BDP1: variants seen among roughly 807,000 people sequenced by gnomAD.
BDP1 encodes the protein transcription factor TFIIIB component B'' homolog.
A neutral mutation model predicts 266.6 loss-of-function variants in BDP1; 169 were observed. The ratio of observed to expected loss-of-function variants is 0.63; its 90% CI spans 0.56 to 0.72. BDP1 has a LOEUF of 0.72. Among genes scored for constraint, BDP1 ranks in the 30% least tolerant of loss-of-function variants. The pLI, the probability that BDP1 is intolerant of heterozygous loss-of-function variation, is 0.00. For synonymous variants in BDP1, 1,090 were observed against 1,022.4 expected (o/e 1.07, Z -1.26); for missense variants, 3,015 against 3,053.8 (o/e 0.99, Z 0.30).
chr5:71,541,767 G>A (rs1766983899), intron 29 of BDP1, 85 bp downstream of exon 29: 2 of 842,734 alleles, frequency 2.4e-6, no homozygotes, highest in Non-Finnish European at 3.6e-6. Context: ...TAAATGTAAA[G>A]TAGGCAATGC....
chr5:71,469,234 G>A lies in BDP1; in HGVS notation c.920-1161G>A, dbSNP rs1477380552. 2.0e-5 allele frequency among the ~76,000 whole-genome samples: 3 copies of A among 151,856 alleles called. No homozygotes were observed. The East Asian group carries it at 5.8e-4, about 30-fold the overall frequency. The stretch of plus-strand genomic sequence containing the variant: ...GCTCACTGCAGCCGCCACCTCCTAG[G>A]TTCAGGTGATTCTCCTTCCTCAGTC... On this transcript the variant is annotated intron_variant, in intron 6 of 38. Transcript: ENST00000358731.
chr5:71,502,755 A>G lies in BDP1; in HGVS notation c.2205A>G (p.Val735=), dbSNP rs200344387. 10 of 1,613,664 alleles carry G rather than the reference A, an allele frequency of 6.2e-6. No homozygotes were observed. The highest frequency in any genetic ancestry group is 8.5e-6 in the Non-Finnish European group (10 of 1,179,930). The part of the protein sequence containing the change: ...LISQEEIGAN[V]EKNENESCAD... ...CACAGGAAGAAATTGGGGCCAATGT[A>G]GAGAAGAATGAAAATGAATCCTGTG... Residue 735 remains valine, a synonymous_variant, in exon 15 of 39, where the codon GTA becomes GTG. Coordinates refer to ENST00000358731, the MANE Select transcript of BDP1 (RefSeq NM_018429.3).
intron 28 of BDP1, among the ~76,000 whole-genome samples, chr5:71,540,724 T>C (rs548913318): frequency 1.3e-5 from 2 of 152,210 alleles, no homozygotes; most frequent in South Asian, 4.1e-4. Context: ...AATGCTTGAC[T>C]TCAGGAGTTC....
intron 2 of BDP1, 99 bp from the exon 3 acceptor site, chr5:71,461,718 C>T: frequency 1.6e-6 from 1 of 640,304 alleles, no homozygotes; most frequent in Non-Finnish European, 2.7e-6. Flanking sequence ...AATATTAAAG[C>T]ACTTACAGTG....
At chr5:71,571,267 C>T (rs535530203), downstream of BDP1, among the ~76,000 whole-genome samples, 37 of 152,300 alleles carry the variant, frequency 2.4e-4, no homozygotes, top group Non-Finnish European at 3.7e-4. Context: ...GCCTTTGCCT[C>T]CCAAGTAGCT....
rs770074433 is a variant in BDP1, at chr5:71,509,513, A to G, written c.2421A>G (p.Leu807=). 3 of 1,603,768 alleles carry G rather than the reference A, an allele frequency of 1.9e-6. No homozygotes were observed. The highest frequency in any genetic ancestry group is 1.8e-5 in the Admixed American group (1 of 56,776). The part of the protein sequence containing the change: ...KANKLNQVPI[L]RTRFQKPKPN... Reference sequence around the variant, plus strand: ...ATAAACTTAACCAAGTCCCAATTCTAAGGACTCGATTTCAGAAACCAAAGC... The same window carrying G: ...ATAAACTTAACCAAGTCCCAATTCTGAGGACTCGATTTCAGAAACCAAAGC... Residue 807 remains leucine (L), a synonymous_variant, in exon 17 of 39, where the codon CTA becomes CTG. Transcript: ENST00000358731.
chr5:71,553,333 T>A lies in BDP1; in HGVS notation c.7200+13T>A. On this transcript the variant is annotated intron_variant, in intron 35 of 38. Coordinates refer to ENST00000358731, the MANE Select transcript of BDP1 (RefSeq NM_018429.3). ...ATATACCACTGAGGTAAGTGGTATA[T>A]TAAGTACCACTCAATATGGCCATTA... 1 of 1,593,446 alleles carries A rather than the reference T, an allele frequency of 6.3e-7. No individual in the cohort carries two copies. Among genetic ancestry groups the A allele is most frequent in the East Asian group, 2.2e-5 (1 of 44,714 alleles).
intron 7 of BDP1, among the ~76,000 whole-genome samples, 194 bp downstream of exon 7, chr5:71,470,683 G>A (rs530247296): frequency 1.3e-5 from 2 of 151,444 alleles, no homozygotes; most frequent in South Asian, 4.2e-4. Flanking sequence ...CTGCCTCCGG[G>A]TTCAAGCAAT....
At chr5:71,490,571 C>A (rs1304664231) in intron 10 of BDP1, among the ~76,000 whole-genome samples, 1 of 152,092 alleles carries the variant, frequency 6.6e-6, no homozygotes, top group South Asian at 2.1e-4. Flanking sequence ...AGGATTGTTT[C>A]AAGTATTAAA....
At chr5:71,515,944 T>C (rs912876297) in intron 20 of BDP1, 117 bp from the exon 21 acceptor site, 6 of 647,384 alleles carry the variant, frequency 9.3e-6, no homozygotes, top group African/African-American at 5.5e-5. Flanking sequence ...TTCCCTTTAA[T>C]GGTACAAAGT....
Position 71,510,812 on chromosome 5 carries a change from G to A in BDP1, c.3720G>A (p.Val1240=). The change falls in exon 17 of 39, where the codon GTG becomes GTA. Residue 1240 remains valine (V), a synonymous_variant. Coordinates refer to ENST00000358731, the MANE Select transcript of BDP1 (RefSeq NM_018429.3). ...AAGAAATTTCCCAAAGGGAAAAGGTGCTAGCAGAGTTCAGTGCTATAAGGG... is the reference window on the plus strand; with the variant it reads ...AAGAAATTTCCCAAAGGGAAAAGGTACTAGCAGAGTTCAGTGCTATAAGGG... ...IREEISQREK[V]LAEFSAIREK... The A allele has an allele frequency of 6.2e-7, 1 of 1,613,646 alleles. No homozygotes were observed. Among genetic ancestry groups the A allele is most frequent in the Non-Finnish European group, 8.5e-7 (1 of 1,179,852 alleles).
chr5:71,467,251 T>G, intron 5 of BDP1, 103 bp from the exon 6 acceptor site: 1 of 927,318 alleles, frequency 1.1e-6, no homozygotes, highest in Non-Finnish European at 1.6e-6. Flanking sequence ...ATGCCTTTGA[T>G]ATGATTGCCA....
chr5:71,511,781 T>C (rs977913437), intron 17 of BDP1, among the ~76,000 whole-genome samples: 1 of 152,228 alleles, frequency 6.6e-6, no homozygotes, highest in Admixed American at 6.5e-5. Context: ...GTCACTGTTC[T>C]TAATATCATT....
chr5:71,541,436 T>G lies in BDP1; in HGVS notation c.6023-18T>G. Reference sequence around the variant, plus strand: ...TAATTTGGTCCATTTTAATTTTGTTTTTTTTTTTTTTCTTCAGTAGGAGTA... The same window carrying G: ...TAATTTGGTCCATTTTAATTTTGTTGTTTTTTTTTTTCTTCAGTAGGAGTA... On this transcript the variant is annotated intron_variant, in intron 28 of 38. Coordinates refer to ENST00000358731, the MANE Select transcript of BDP1 (RefSeq NM_018429.3). The G allele has an allele frequency of 9.7e-7, 1 of 1,032,766 alleles. No individual in the cohort carries two copies. The highest frequency in any genetic ancestry group is 1.3e-6 in the Non-Finnish European group (1 of 745,214). The allele number at this position is 1,032,766 out of a possible 1,614,324, so 64.0% of individuals were successfully genotyped here.
Position 71,545,095 on chromosome 5 carries a change from T to C in BDP1, c.6620T>C (p.Val2207Ala), listed in dbSNP as rs1424432734. 6.2e-7 allele frequency: 1 copy of C among 1,613,682 alleles called. No homozygotes were observed. The highest frequency in any genetic ancestry group is 1.7e-5 in the Admixed American group (1 of 59,962). Residue 2207 changes from valine to alanine, a missense_variant, in exon 32 of 39, where the codon GTT becomes GCT. Transcript: ENST00000358731. ...GTTCACATGTTGTCAGTTGCTCCAG[T>C]TGCTTCCTCTGAGACAGGGCCCTGC... is the stretch of plus-strand genomic sequence containing the variant. Reference protein sequence around the residue: ...QEVHMLSVAPVASSETGPCTL... With the variant: ...QEVHMLSVAPAASSETGPCTL...
chr5:71,478,218 T>A (rs1762715351), intron 7 of BDP1, among the ~76,000 whole-genome samples: 1 of 152,084 alleles, frequency 6.6e-6, no homozygotes, highest in East Asian at 1.9e-4. Context: ...CATTGGACTC[T>A]AGCCTGGGTA....
chr5:71,530,765 T>G (rs1766196280), intron 25 of BDP1, among the ~76,000 whole-genome samples: 1 of 152,202 alleles, frequency 6.6e-6, no homozygotes, highest in Non-Finnish European at 1.5e-5. Flanking sequence ...ACAGATGTGG[T>G]ACATACAAAT....
chr5:71,569,526 C>T (rs191475527), downstream of BDP1, among the ~76,000 whole-genome samples: 139 of 152,076 alleles, frequency 9.1e-4, 1 homozygote, highest in African/African-American at 3.2e-3. Flanking sequence ...ATGGGAGGAT[C>T]GCTTGAGCCC....
At chr5:71,539,881 T>TCATGGAATAGTTGTATG in intron 28 of BDP1, among the ~76,000 whole-genome samples, 1 of 152,058 alleles carries the variant, frequency 6.6e-6, no homozygotes, top group East Asian at 1.9e-4. Context: ...TAATTTGTAT[T>TCATGGAATAGTTGTATG]CATGGAATAG....
Sources: allele counts gnomAD v4.1 joint callset (sites outside exome capture counted in the v4.1 genomes callset), GRCh38; gene constraint gnomAD v4.1.1; transcripts MANE v1.5; gene names NCBI Gene and HGNC (gene_info 2026-07-23, HGNC 2026-07-21).